Variants in CNBD1 observed in about 807,000 individuals in gnomAD.
The protein encoded by CNBD1 is cyclic nucleotide-binding domain-containing protein 1.
A neutral mutation model predicts 54.4 loss-of-function variants in CNBD1; 71 were observed. The ratio of observed to expected loss-of-function variants is 1.30; its 90% CI spans 1.08 to 1.59. CNBD1 has a LOEUF of 1.59. Ranked by LOEUF, CNBD1 falls within the 40% of genes most tolerant of loss-of-function variation. The pLI, the probability that CNBD1 is intolerant of heterozygous loss-of-function variation, is 0.00. For missense variants in CNBD1, 659 were observed against 518.0 expected (o/e 1.27, Z -2.64); for synonymous variants, 182 against 170.7 (o/e 1.07, Z -0.51).
chr8:87,101,712 TAG>T (rs1329689755), intron 4 of CNBD1, among the ~76,000 whole-genome samples: 1 of 152,104 alleles, frequency 6.6e-6, no homozygotes, highest in Non-Finnish European at 1.5e-5. Context: ...TGGAATTTTA[TAG>T]AGATAGAATG....
intron 4 of CNBD1, among the ~76,000 whole-genome samples, chr8:86,957,247 T>C (rs1807800728): frequency 6.6e-6 from 1 of 152,180 alleles, no homozygotes; most frequent in Non-Finnish European, 1.5e-5. Flanking sequence ...TTACTGAAGA[T>C]TTTTGCATCG....
At chr8:87,426,868 G>T (rs1483668951) in intron 2 of CNBD1, among the ~76,000 whole-genome samples, 5 of 152,008 alleles carry the variant, frequency 3.3e-5, no homozygotes, top group Non-Finnish European at 5.9e-5. Flanking sequence ...ATTTGACCAG[G>T]GATATACCCT....
chr8:87,358,276 C>A (rs1219866340), intron 10 of CNBD1, among the ~76,000 whole-genome samples: 6 of 152,124 alleles, frequency 3.9e-5, no homozygotes, highest in Admixed American at 3.9e-4. Flanking sequence ...AAAATTAATT[C>A]AAATTCATAT....
chr8:87,084,894 C>T (rs1266825044), intron 4 of CNBD1, among the ~76,000 whole-genome samples: 2 of 152,192 alleles, frequency 1.3e-5, no homozygotes, highest in East Asian at 1.9e-4. Flanking sequence ...AGGCTGGTCT[C>T]GAACTCCCAA....
At chr8:87,419,310 A>T (rs1807886587) in intron 2 of CNBD1, among the ~76,000 whole-genome samples, 1 of 151,912 alleles carries the variant, frequency 6.6e-6, no homozygotes, top group Admixed American at 6.6e-5. Context: ...AGAAGTAGAG[A>T]TGGAAAGTGA....
chr8:87,310,960 A>G (rs374078805), intron 8 of CNBD1, among the ~76,000 whole-genome samples: 11 of 152,112 alleles, frequency 7.2e-5, no homozygotes, highest in African/African-American at 2.7e-4. Context: ...CGAGATGGAG[A>G]GAAGACTGAA....
chr8:87,253,542 C>T (rs1204951403), intron 6 of CNBD1, among the ~76,000 whole-genome samples: 4 of 152,136 alleles, frequency 2.6e-5, no homozygotes, highest in Non-Finnish European at 4.4e-5. Context: ...TTGCCTACAA[C>T]CTTAATAGGT....
At chr8:86,994,722 A>T (rs1322647937) in intron 4 of CNBD1, among the ~76,000 whole-genome samples, 2 of 150,292 alleles carry the variant, frequency 1.3e-5, no homozygotes, top group African/African-American at 4.9e-5. Context: ...CTTTCTCTTC[A>T]GCCTCAATGT....
intron 4 of CNBD1, among the ~76,000 whole-genome samples, chr8:87,120,968 A>G (rs762821248): frequency 1.1e-4 from 16 of 152,110 alleles, no homozygotes; most frequent in Non-Finnish European, 1.6e-4. Flanking sequence ...AGCACTTGTT[A>G]TAAGATTTGT....
chr8:87,090,074 T>C (rs962448732), intron 4 of CNBD1, among the ~76,000 whole-genome samples: 1 of 152,114 alleles, frequency 6.6e-6, no homozygotes, highest in African/African-American at 2.4e-5. Context: ...TTTCAAAGAA[T>C]GTAATGTTTC....
At chr8:86,975,018 G>T (rs1182405113) in intron 4 of CNBD1, among the ~76,000 whole-genome samples, 1 of 151,856 alleles carries the variant, frequency 6.6e-6, no homozygotes, top group Non-Finnish European at 1.5e-5. Context: ...ACTCCTTTAG[G>T]CACAGATAAA....
rs575153670 is a variant in CNBD1, at chr8:87,275,478, G to A, written c.772-9200G>A. ...AGCAGTGGTTTGTAGTTCTCCTTGA[G>A]GAGGTCCAATAGATGCAGAAAAGGC... On this transcript the variant is annotated intron_variant, in intron 6 of 10. Transcript: ENST00000518476. Among the ~76,000 whole-genome samples the A allele has an allele frequency of 9.9e-4, 150 of 151,816 alleles. 1 individual carries two copies. The highest frequency in any genetic ancestry group is 1.8e-3 in the Non-Finnish European group (120 of 67,840).
chr8:87,100,752 G>A (rs957990279), intron 4 of CNBD1, among the ~76,000 whole-genome samples: 1 of 152,144 alleles, frequency 6.6e-6, no homozygotes, highest in African/African-American at 2.4e-5. Context: ...TGGGATTACA[G>A]GTGTGAGCCA....
chr8:87,372,503 G>T (rs1810833641), intron 10 of CNBD1, among the ~76,000 whole-genome samples: 1 of 151,824 alleles, frequency 6.6e-6, no homozygotes, highest in South Asian at 2.1e-4. Flanking sequence ...GAAACTCTGG[G>T]TTGATTTTCT....
intron 4 of CNBD1, among the ~76,000 whole-genome samples, chr8:86,965,913 G>A (rs991239183): frequency 2.6e-5 from 4 of 152,082 alleles, no homozygotes; most frequent in Non-Finnish European, 4.4e-5. Context: ...TCTGCTTGTG[G>A]TCATCCCATT....
chr8:87,068,509 T>C (rs915447148), intron 4 of CNBD1, among the ~76,000 whole-genome samples: 3 of 152,008 alleles, frequency 2.0e-5, no homozygotes, highest in Non-Finnish European at 4.4e-5. Flanking sequence ...TCAATGTTTC[T>C]CAGTGTGTAT....
rs553553395 is a variant in CNBD1 at position 87,156,533 on chromosome 8, C to T, written c.432-49460C>T. 1.4e-4 allele frequency among the ~76,000 whole-genome samples: 22 copies of T among 151,896 alleles called. 1 individual carries two copies. In the South Asian group the frequency reaches 1.5e-3, roughly 10 times the overall value. ...TGATGGATTTGCAGCCGTGAGCCAC[C>T]GCACCTGGCCTCCCATGATACTTTA... is the stretch of plus-strand genomic sequence containing the variant. On this transcript the variant is annotated intron_variant, in intron 4 of 10. Transcript: ENST00000518476.
At chr8:87,255,682 G>C (rs1329757848) in intron 6 of CNBD1, among the ~76,000 whole-genome samples, 1 of 151,620 alleles carries the variant, frequency 6.6e-6, no homozygotes, top group Non-Finnish European at 1.5e-5. Context: ...GACAGGAATT[G>C]AGTCAGCTGA....
chr8:87,126,017 T>G (rs1811983259), intron 4 of CNBD1, among the ~76,000 whole-genome samples: 1 of 151,964 alleles, frequency 6.6e-6, no homozygotes, highest in South Asian at 2.1e-4. Context: ...TCCTTCCTTT[T>G]TATTTCTGAG....
Sources: allele counts gnomAD v4.1 joint callset (sites outside exome capture counted in the v4.1 genomes callset), GRCh38; gene constraint gnomAD v4.1.1; transcripts MANE v1.5; gene names NCBI Gene and HGNC (gene_info 2026-07-23, HGNC 2026-07-21).